Variants in UBE2E2 observed in about 807,000 individuals in gnomAD.
UBE2E2 encodes ubiquitin conjugating enzyme E2 E2.
UBE2E2 carries 6 observed loss-of-function variants against 24.7 expected under a neutral mutation model. That is an observed-to-expected ratio of 0.24 (90% confidence interval 0.13 to 0.48). UBE2E2 has a LOEUF of 0.48. UBE2E2 is among the 20% of genes least tolerant of loss of function. The pLI is 0.99. For missense variants in UBE2E2, 169 were observed against 245.0 expected (o/e 0.69, Z 2.07); for synonymous variants, 104 against 83.6 (o/e 1.24, Z -1.33).
At chr3:23,470,711 T>C (rs1197751996) in intron 3 of UBE2E2, among the ~76,000 whole-genome samples, 1 of 152,190 alleles carries the variant, frequency 6.6e-6, no homozygotes, top group East Asian at 1.9e-4. Context: ...GGGAGAAAAG[T>C]AAAGCCAGTA....
chr3:23,360,668 C>G (rs1696089073), intron 3 of UBE2E2, among the ~76,000 whole-genome samples: 1 of 151,950 alleles, frequency 6.6e-6, no homozygotes, highest in Non-Finnish European at 1.5e-5. Context: ...TGAGGTACAG[C>G]TATATTTTTG....
chr3:23,526,978 A>C (rs116132336), intron 4 of UBE2E2, among the ~76,000 whole-genome samples: 2,152 of 152,362 alleles, frequency 0.014, 50 homozygotes, highest in African/African-American at 0.049. Context: ...AAAGTCAACA[A>C]AATTTATTAA....
At chr3:23,541,168 A>G (rs1163450708) in intron 5 of UBE2E2, among the ~76,000 whole-genome samples, 2 of 152,194 alleles carry the variant, frequency 1.3e-5, no homozygotes, top group African/African-American at 4.8e-5. Flanking sequence ...GAAATGTTGT[A>G]ATTATGAAAA....
At chr3:23,366,993 A>G (rs187427094) in intron 3 of UBE2E2, among the ~76,000 whole-genome samples, 2 of 152,258 alleles carry the variant, frequency 1.3e-5, no homozygotes, top group South Asian at 2.1e-4. Context: ...AATTGCTTCT[A>G]TCAGTTTTTC....
chr3:23,260,320 T>G (rs2125353564), intron 3 of UBE2E2, among the ~76,000 whole-genome samples: 1 of 152,358 alleles, frequency 6.6e-6, no homozygotes, highest in South Asian at 2.1e-4. Flanking sequence ...AAATTGTACT[T>G]GAATTATTTT....
chr3:23,363,810 C>T (rs540606750), intron 3 of UBE2E2, among the ~76,000 whole-genome samples: 10 of 151,998 alleles, frequency 6.6e-5, no homozygotes, highest in South Asian at 2.1e-4. Flanking sequence ...TAGACATCTA[C>T]AGAACTCTCT....
chr3:23,295,434 G>C (rs1254432385), intron 3 of UBE2E2, among the ~76,000 whole-genome samples: 1 of 152,148 alleles, frequency 6.6e-6, no homozygotes, highest in Non-Finnish European at 1.5e-5. Context: ...GTGACATAAG[G>C]GAATGAATGG....
At chr3:23,509,705 C>G (rs1035853490) in intron 4 of UBE2E2, among the ~76,000 whole-genome samples, 8 of 151,520 alleles carry the variant, frequency 5.3e-5, no homozygotes, top group Admixed American at 4.6e-4. Context: ...TTAGGTATAT[C>G]TCCGAATGCT....
At chr3:23,296,914 C>G (rs1575540874) in intron 3 of UBE2E2, among the ~76,000 whole-genome samples, 1 of 152,354 alleles carries the variant, frequency 6.6e-6, no homozygotes, top group East Asian at 1.9e-4. Context: ...AACTAGTTTA[C>G]AGTCCCACCA....
chr3:23,279,898 T>G (rs1037606313), intron 3 of UBE2E2, among the ~76,000 whole-genome samples: 17 of 152,188 alleles, frequency 1.1e-4, no homozygotes, highest in African/African-American at 4.1e-4. Context: ...GCCACTTAAT[T>G]TTCTCTGAGG....
At position 23,417,155 on chromosome 3, in the gene UBE2E2, T is replaced by G. The variant is rs567705226; in HGVS notation, c.228-82453T>G. Among the ~76,000 whole-genome samples the G allele has an allele frequency of 5.3e-5, 8 of 152,318 alleles. No homozygotes were observed. In the South Asian group the frequency reaches 1.0e-3, roughly 20 times the overall value. ...TTTCTGGTTTTTGGAATTCTCAGCCTTTTTGTGCTGGTTTTTCCTCATCTT... is the reference window on the plus strand; with the variant it reads ...TTTCTGGTTTTTGGAATTCTCAGCCGTTTTGTGCTGGTTTTTCCTCATCTT... On this transcript the variant is annotated intron_variant, in intron 3 of 5. Coordinates refer to ENST00000396703, the MANE Select transcript of UBE2E2 (RefSeq NM_152653.4).
At chr3:23,522,040 C>A (rs1172521147) in intron 4 of UBE2E2, among the ~76,000 whole-genome samples, 2 of 152,002 alleles carry the variant, frequency 1.3e-5, no homozygotes, top group South Asian at 2.1e-4. Flanking sequence ...GTGGAACAGC[C>A]GTTTTTAAAT....
downstream of UBE2E2, chr3:23,591,796 T>G (rs1158162160): frequency 6.6e-6 from 1 of 152,220 alleles, no homozygotes; most frequent in Non-Finnish European, 1.5e-5. Flanking sequence ...CAACACTGAT[T>G]TTTGGAAAGT....
At chr3:23,563,106 T>C (rs1704052210) in intron 5 of UBE2E2, among the ~76,000 whole-genome samples, 1 of 152,198 alleles carries the variant, frequency 6.6e-6, no homozygotes, top group Non-Finnish European at 1.5e-5. Flanking sequence ...TCTTGCCTTC[T>C]GCTAGCTTTT....
intron 3 of UBE2E2, among the ~76,000 whole-genome samples, chr3:23,357,207 A>T (rs1158384968): frequency 6.6e-6 from 1 of 152,228 alleles, no homozygotes; most frequent in Admixed American, 6.5e-5. Context: ...GTACAAAGTC[A>T]CTAGTACACC....
intron 3 of UBE2E2, among the ~76,000 whole-genome samples, chr3:23,258,945 A>C (rs1024303703): frequency 4.0e-5 from 6 of 149,070 alleles, no homozygotes; most frequent in Admixed American, 2.0e-4. Flanking sequence ...CCAGGAAAGG[A>C]GAAGGTATTT....
intron 3 of UBE2E2, among the ~76,000 whole-genome samples, chr3:23,472,352 A>C (rs1237026321): frequency 6.6e-6 from 1 of 152,210 alleles, no homozygotes; most frequent in African/African-American, 2.4e-5. Context: ...TTGTAGAGAC[A>C]TCAGAATAAG....
chr3:23,563,668 G>A (rs936419324), intron 5 of UBE2E2, among the ~76,000 whole-genome samples: 1 of 151,888 alleles, frequency 6.6e-6, no homozygotes, highest in Non-Finnish European at 1.5e-5. Context: ...TATCTGTATT[G>A]CATCCTTTAA....
At position 23,329,441 on chromosome 3, in the gene UBE2E2, A is replaced by T. The variant is rs1559349503; in HGVS notation, c.227+112129A>T. ...TTTTGCCGAAGTATCAAGACAGAAT[A>T]GTAGGCAGACAGTTGGTATTTAGGC... On this transcript the variant is annotated intron_variant, in intron 3 of 5. Coordinates refer to ENST00000396703, the MANE Select transcript of UBE2E2 (RefSeq NM_152653.4). Among the ~76,000 whole-genome samples, 3 of 152,368 alleles carry T rather than the reference A, an allele frequency of 2.0e-5. No individual in the cohort carries two copies. The Middle Eastern group carries it at 0.01, about 518-fold the overall frequency.
Sources: allele counts gnomAD v4.1 joint callset (sites outside exome capture counted in the v4.1 genomes callset), GRCh38; gene constraint gnomAD v4.1.1; transcripts MANE v1.5; gene names NCBI Gene and HGNC (gene_info 2026-07-23, HGNC 2026-07-21).